Variants in ECT2L observed in about 807,000 individuals in gnomAD.
ECT2L encodes the protein epithelial cell-transforming sequence 2 oncogene-like.
Under a neutral mutation model 122.8 loss-of-function variants are expected in ECT2L, and 126 were observed. The ratio of observed to expected loss-of-function variants is 1.03; its 90% CI spans 0.89 to 1.19. The LOEUF (loss-of-function observed/expected upper bound fraction) is 1.19. Among genes scored for constraint, ECT2L ranks in the 50% most tolerant of loss-of-function variants. The pLI, the probability that ECT2L is intolerant of heterozygous loss-of-function variation, is 0.00. For synonymous variants in ECT2L, 385 were observed against 381.8 expected (o/e 1.01, Z -0.10); for missense variants, 1,012 against 1,064.1 (o/e 0.95, Z 0.68).
intron 4 of ECT2L, among the ~76,000 whole-genome samples, chr6:138,833,628 C>A (rs1181560031): frequency 6.6e-6 from 1 of 151,966 alleles, no homozygotes; most frequent in Admixed American, 6.6e-5. Context: ...CGTGACGAAA[C>A]CCTGTCTTCA....
Position 138,876,385 on chromosome 6 carries a change from T to C in ECT2L, c.1579-87T>C, listed in dbSNP as rs1025318243. ...TGTGGTTGGGGCTGAAGGCAGAGGC[T>C]TCTGAGGGCCTCCTGCGGGCACAGT... is the stretch of plus-strand genomic sequence containing the variant. On this transcript the variant is annotated intron_variant, in intron 13 of 21. Transcript: ENST00000541398. 6 of 856,542 alleles carry C rather than the reference T, an allele frequency of 7.0e-6. No individual in the cohort carries two copies. In the African/African-American group the frequency reaches 8.4e-5, roughly 12 times the overall value. 53.1% of individuals were successfully genotyped at this position (856,542 alleles called of 1,614,324 possible).
In ECT2L at chr6:138,849,365, G is replaced by A. The variant is rs1322055377; in HGVS notation, c.1000G>A (p.Asp334Asn). 1 of 1,614,050 alleles carries A rather than the reference G, an allele frequency of 6.2e-7. No homozygotes were observed. Among genetic ancestry groups the A allele is most frequent in the Non-Finnish European group, 8.5e-7 (1 of 1,180,016 alleles). The change falls in exon 9 of 22, where the codon GAT (aspartate) becomes AAT (asparagine). Residue 334 changes from aspartate to asparagine, a missense_variant. By Grantham distance (23) the Asp-to-Asn change is conservative. Transcript: ENST00000541398. ...SLLYLIEKAL[D>N]GQKAQSIGIF... is the part of the protein sequence containing the mutation. ...TCTGTATCTTATAGAAAAAGCTCTG[G>A]ATGGGCAGAAGGCACAGAGCATCGG...
intron 4 of ECT2L, among the ~76,000 whole-genome samples, chr6:138,819,232 T>C (rs1583553930): frequency 4.3e-5 from 2 of 46,560 alleles, no homozygotes; most frequent in African/African-American, 1.7e-4. Flanking sequence ...GGATGATGCT[T>C]AAAAAAAAAA....
At chr6:138,865,223 C>T in intron 12 of ECT2L, 45 bp downstream of exon 12, 2 of 1,525,012 alleles carry the variant, frequency 1.3e-6, no homozygotes, top group East Asian at 2.3e-5. Flanking sequence ...TATGAAGTTG[C>T]TTTCATATCC....
At chr6:138,883,970 C>G (rs1778725398) in intron 16 of ECT2L, among the ~76,000 whole-genome samples, 1 of 152,108 alleles carries the variant, frequency 6.6e-6, no homozygotes. Flanking sequence ...CTCAGGTGAT[C>G]CTCCCACCTC....
intron 4 of ECT2L, among the ~76,000 whole-genome samples, chr6:138,832,351 C>T (rs1411144440): frequency 6.6e-6 from 1 of 152,150 alleles, no homozygotes; most frequent in Non-Finnish European, 1.5e-5. Context: ...GGCCTTCCCT[C>T]ATGGTGTTTT....
chr6:138,859,828 T>C (rs534521893), intron 10 of ECT2L, among the ~76,000 whole-genome samples: 18 of 152,104 alleles, frequency 1.2e-4, no homozygotes, highest in South Asian at 4.2e-4. Context: ...TTTTCTTCTT[T>C]TTTTTGAGAC....
chr6:138,818,888 T>C (rs1335142586), intron 4 of ECT2L, among the ~76,000 whole-genome samples: 1 of 152,082 alleles, frequency 6.6e-6, no homozygotes, highest in African/African-American at 2.4e-5. Context: ...GGGTTCTTCC[T>C]AAACTGACTT....
chr6:138,838,357 T>A lies in ECT2L; in HGVS notation c.185T>A (p.Val62Asp). 6.2e-7 allele frequency: 1 copy of A among 1,601,554 alleles called. No homozygotes were observed. The highest frequency in any genetic ancestry group is 8.5e-7 in the Non-Finnish European group (1 of 1,176,204). ...LRCTKSQLRF[V>D]QDWFSERMQV... is the part of the protein sequence containing the mutation. Reference sequence around the variant, plus strand: ...AAATTTCTCTTTCTTTTTAGGTTTGTCCAAGACTGGTTTTCAGAAAGGATG... The same window carrying A: ...AAATTTCTCTTTCTTTTTAGGTTTGACCAAGACTGGTTTTCAGAAAGGATG... The change falls in exon 5 of 22, where the codon GTC (valine) becomes GAC (aspartate). Residue 62 changes from valine to aspartate, a missense_variant. Val to Asp is a radical substitution (Grantham distance 152, BLOSUM62 -3). Coordinates refer to ENST00000541398, the MANE Select transcript of ECT2L (RefSeq NM_001077706.3).
intron 13 of ECT2L, among the ~76,000 whole-genome samples, chr6:138,872,416 A>G (rs1261472480): frequency 6.6e-6 from 1 of 152,248 alleles, no homozygotes; most frequent in African/African-American, 2.4e-5. Context: ...TAGGTGGTGC[A>G]GCATGATTAG....
chr6:138,838,727 T>TA (rs1413886302), intron 5 of ECT2L, among the ~76,000 whole-genome samples: 1 of 152,226 alleles, frequency 6.6e-6, no homozygotes, highest in East Asian at 1.9e-4. Context: ...TCCTGTTACT[T>TA]AAAAAATCTT....
At position 138,901,002 on chromosome 6, in the gene ECT2L, C is replaced by T. The variant is rs995495515; in HGVS notation, c.2469C>T (p.Leu823=). The part of the protein sequence containing the change: ...LSLFLFNDAL[L]VSSRGTSHTP... ...TTTTCCTCTTCAATGATGCCCTGCT[C>T]GTTTCTAGTCGGGGCACATCTCACA... Residue 823 remains leucine, a synonymous_variant, in exon 21 of 22, where the codon CTC becomes CTT. Transcript: ENST00000541398. The T allele has an allele frequency of 1.5e-5, 24 of 1,614,074 alleles. No individual in the cohort carries two copies. Among genetic ancestry groups the T allele is most frequent in the African/African-American group, 9.3e-5 (7 of 74,920 alleles).
intron 4 of ECT2L, among the ~76,000 whole-genome samples, chr6:138,824,227 G>C (rs1011140670): frequency 2.6e-5 from 4 of 151,394 alleles, no homozygotes; most frequent in Admixed American, 6.6e-5. Context: ...GGGGAAAACT[G>C]GGTGAAGGGT....
intron 10 of ECT2L, 24 bp from the exon 11 acceptor site, chr6:138,862,603 A>G: frequency 6.2e-7 from 1 of 1,605,150 alleles, no homozygotes; most frequent in Non-Finnish European, 8.5e-7. Flanking sequence ...GAGGAAACTA[A>G]CGAAAGTGTT....
intron 19 of ECT2L, among the ~76,000 whole-genome samples, chr6:138,887,529 CT>C (rs572885530): frequency 1.2e-4 from 18 of 152,256 alleles, no homozygotes; most frequent in African/African-American, 4.3e-4. Context: ...CAGCCATGTT[CT>C]ACTTGTTTTC....
intron 12 of ECT2L, among the ~76,000 whole-genome samples, chr6:138,865,783 A>C (rs913938761): frequency 6.6e-6 from 1 of 152,226 alleles, no homozygotes; most frequent in African/African-American, 2.4e-5. Context: ...ATCTAGGTAA[A>C]GAGTTTTTCT....
chr6:138,877,275 C>T (rs1030988047), intron 14 of ECT2L, among the ~76,000 whole-genome samples: 8 of 152,176 alleles, frequency 5.3e-5, no homozygotes, highest in African/African-American at 1.7e-4. Flanking sequence ...ACCCTGGCTG[C>T]AGACAGTGCA....
At chr6:138,816,889 CAT>C (rs574880841) in intron 4 of ECT2L, among the ~76,000 whole-genome samples, 281 of 152,314 alleles carry the variant, frequency 1.8e-3, no homozygotes, top group Admixed American at 0.015. Flanking sequence ...ATCATCATCA[CAT>C]GTTAAGTTTA....
At chr6:138,806,511 C>CTTTTTTTTTTTTTTTT (rs57786220) in intron 1 of ECT2L, among the ~76,000 whole-genome samples, 11 of 89,666 alleles carry the variant, frequency 1.2e-4, no homozygotes, top group Non-Finnish European at 1.6e-4. Context: ...AAAATTCACG[C>CTTTTTTTTTTTTTTTT]TTTTTTTTTT....
Sources: allele counts gnomAD v4.1 joint callset (sites outside exome capture counted in the v4.1 genomes callset), GRCh38; gene constraint gnomAD v4.1.1; transcripts MANE v1.5; gene names NCBI Gene and HGNC (gene_info 2026-07-23, HGNC 2026-07-21).